The following ADK variants were observed in gnomAD, a reference collection of about 807,000 sequenced individuals.
The protein encoded by ADK is N6,N6-dimethyladenosine kinase.
In ADK, 24 loss-of-function variants were observed where a neutral mutation model predicts 44.7. The observed-to-expected ratio is 0.54, with a 90% confidence interval of 0.39 to 0.76. The LOEUF is 0.76. Ranked by LOEUF, ADK falls within the 30% of genes least tolerant of loss-of-function variation. ADK has a pLI of 0.00. For missense variants in ADK, 321 were observed against 425.1 expected, an observed-to-expected ratio of 0.76 and a Z score of 2.15; for synonymous variants, 128 against 142.6, an observed-to-expected ratio of 0.90 and a Z score of 0.73.
intron 10 of ADK, among the ~76,000 whole-genome samples, chr10:74,678,324 A>G (rs1855481531): frequency 6.6e-6 from 1 of 152,174 alleles, no homozygotes; most frequent in Admixed American, 6.5e-5. Flanking sequence ...CAAATTTCAT[A>G]AACACTGTCT....
Position 74,379,194 on chromosome 10 carries a change from G to T in ADK, c.274-14947G>T, listed in dbSNP as rs111534928. 9.5e-4 allele frequency among the ~76,000 whole-genome samples: 145 copies of T among 152,282 alleles called. 1 individual carries two copies. Among genetic ancestry groups the T allele is most frequent in the African/African-American group, 3.4e-3 (142 of 41,568 alleles). On this transcript the variant is annotated intron_variant, in intron 4 of 10. Coordinates refer to ENST00000539909, the MANE Select transcript of ADK (RefSeq NM_006721.4). ...ATTTAAAAAGGACAGCTCTATGTGC[G>T]TGGAGTCAAGGATGGAAGCAGAGAG... is the stretch of plus-strand genomic sequence containing the variant.
chr10:74,478,968 T>C lies in ADK; in HGVS notation c.556-46288T>C, dbSNP rs188390084. On this transcript the variant is annotated intron_variant, in intron 6 of 10. Transcript: ENST00000539909. Reference sequence around the variant, plus strand: ...TTTCCAACTATATTTTTCTGTGCTATTTCTAGAAAGTTCTTCCACATGTAT... The same window carrying C: ...TTTCCAACTATATTTTTCTGTGCTACTTCTAGAAAGTTCTTCCACATGTAT... Among the ~76,000 whole-genome samples the C allele has an allele frequency of 5.0e-4, 76 of 152,284 alleles. 1 individual carries two copies. The highest frequency in any genetic ancestry group is 2.9e-5 in the Non-Finnish European group (2 of 68,014).
chr10:74,495,535 C>T (rs914917854), intron 6 of ADK, among the ~76,000 whole-genome samples: 6 of 152,142 alleles, frequency 3.9e-5, no homozygotes, highest in African/African-American at 1.4e-4. Context: ...CTCTAATTTT[C>T]TTTTTGGGTG....
At chr10:74,326,932 T>C (rs1275331278) in intron 4 of ADK, among the ~76,000 whole-genome samples, 1 of 152,008 alleles carries the variant, frequency 6.6e-6, no homozygotes, top group African/African-American at 2.4e-5. Context: ...TTCTCCTTTT[T>C]TTCTTAGTCT....
At chr10:74,390,915 G>A (rs1843307621) in intron 4 of ADK, among the ~76,000 whole-genome samples, 1 of 152,120 alleles carries the variant, frequency 6.6e-6, no homozygotes, top group East Asian at 1.9e-4. Context: ...AATGCTAATT[G>A]ATAATGGTTA....
At chr10:74,515,503 G>A (rs1336251407) in intron 6 of ADK, among the ~76,000 whole-genome samples, 9 of 152,316 alleles carry the variant, frequency 5.9e-5, no homozygotes, top group East Asian at 1.9e-4. Context: ...CTTTCAGGTC[G>A]GGGACGTGGG....
At chr10:74,687,687 C>G (rs1484772620) in intron 10 of ADK, among the ~76,000 whole-genome samples, 1 of 152,204 alleles carries the variant, frequency 6.6e-6, no homozygotes, top group Non-Finnish European at 1.5e-5. Flanking sequence ...CAGCTTGTAT[C>G]TCAAGCTAGA....
At chr10:74,356,010 T>TTTTTTTG (rs1842130334) in intron 4 of ADK, among the ~76,000 whole-genome samples, 2 of 128,798 alleles carry the variant, frequency 1.6e-5, no homozygotes, top group African/African-American at 2.9e-5. Flanking sequence ...TCATTTTTTT[T>TTTTTTTG]TTTTTTTTTT....
chr10:74,373,546 A>T (rs1842733122), intron 4 of ADK, among the ~76,000 whole-genome samples: 1 of 152,138 alleles, frequency 6.6e-6, no homozygotes, highest in Admixed American at 6.5e-5. Flanking sequence ...TATACAAATG[A>T]CTAAGGAGCA....
intron 2 of ADK, among the ~76,000 whole-genome samples, chr10:74,217,577 T>TCCCTGAC (rs1023021217): frequency 1.3e-5 from 2 of 152,228 alleles, no homozygotes; most frequent in East Asian, 1.9e-4. Context: ...CTCAAGTGGG[T>TCCCTGAC]CCCTGACCCC....
intron 3 of ADK, among the ~76,000 whole-genome samples, chr10:74,293,586 TATATC>T (rs1197066617): frequency 6.6e-6 from 1 of 152,098 alleles, no homozygotes; most frequent in Non-Finnish European, 1.5e-5. Context: ...AGAGCTTTCT[TATATC>T]TTATAGTTAC....
chr10:74,304,740 A>G (rs1265545619), intron 3 of ADK, among the ~76,000 whole-genome samples: 2 of 152,254 alleles, frequency 1.3e-5, no homozygotes, highest in African/African-American at 2.4e-5. Flanking sequence ...ATCCAAGAAC[A>G]ATAGCAGCAG....
chr10:74,589,262 C>CTTT lies in ADK; in HGVS notation c.727-10_727-8dup. On this transcript the variant is annotated intron_variant, in intron 7 of 10. Transcript: ENST00000539909. Reference sequence around the variant, plus strand: ...ACCGAGCACTTTATAATTAACTGTTCTTTTTTTTTTTTATTTCAGGAAGCT... The same window carrying CTTT: ...ACCGAGCACTTTATAATTAACTGTTCTTTTTTTTTTTTTTTATTTCAGGAAGCT... 3 of 1,286,920 alleles carry CTTT rather than the reference C, an allele frequency of 2.3e-6. No individual in the cohort carries two copies. Among genetic ancestry groups the CTTT allele is most frequent in the Non-Finnish European group, 3.3e-6 (3 of 921,048 alleles). The allele number at this position is 1,286,920 out of a possible 1,614,324, so 79.7% of individuals were successfully genotyped here. A position where few individuals can be genotyped will look rare whatever the true frequency, so the allele number is the denominator to read the frequency against.
At chr10:74,245,014 C>T (rs1407040054) in intron 3 of ADK, among the ~76,000 whole-genome samples, 1 of 152,204 alleles carries the variant, frequency 6.6e-6, no homozygotes, top group African/African-American at 2.4e-5. Flanking sequence ...GTATTCTTCT[C>T]TGGTCATGAG....
chr10:74,495,761 G>A (rs1564754138), intron 6 of ADK, among the ~76,000 whole-genome samples: 1 of 152,106 alleles, frequency 6.6e-6, no homozygotes, highest in Non-Finnish European at 1.5e-5. Context: ...ACACTTGTCA[G>A]GCTATATGAG....
chr10:74,497,505 C>T (rs1401063201), intron 6 of ADK, among the ~76,000 whole-genome samples: 1 of 152,150 alleles, frequency 6.6e-6, no homozygotes, highest in Non-Finnish European at 1.5e-5. Flanking sequence ...CTCATTCATT[C>T]ACAGTATGTT....
At chr10:74,594,898 G>T (rs1851847388) in intron 8 of ADK, among the ~76,000 whole-genome samples, 1 of 152,286 alleles carries the variant, frequency 6.6e-6, no homozygotes, top group Admixed American at 6.5e-5. Context: ...ATATGGCCGG[G>T]TGTGGTGGCT....
intron 6 of ADK, among the ~76,000 whole-genome samples, chr10:74,442,141 A>G (rs1384964281): frequency 6.6e-6 from 1 of 151,880 alleles, no homozygotes; most frequent in African/African-American, 2.4e-5. Context: ...AGAAAAAAAA[A>G]ATTACTCCCC....
chr10:74,600,253 T>G, intron 8 of ADK, 126 bp from the exon 9 acceptor site: 1 of 627,550 alleles, frequency 1.6e-6, no homozygotes, highest in Non-Finnish European at 2.8e-6. Flanking sequence ...AAAGAAATTT[T>G]TAATGTCTCT....
Sources: allele counts gnomAD v4.1 joint callset (sites outside exome capture counted in the v4.1 genomes callset), GRCh38; gene constraint gnomAD v4.1.1; transcripts MANE v1.5; gene names NCBI Gene and HGNC (gene_info 2026-07-23, HGNC 2026-07-21).